Variants in RABGEF1 observed in about 807,000 individuals in gnomAD.
RABGEF1 encodes the protein rab5 GDP/GTP exchange factor.
A neutral mutation model predicts 57.3 loss-of-function variants in RABGEF1; 26 were observed. The observed-to-expected ratio is 0.45, with a 90% CI of 0.33 to 0.63. The LOEUF (loss-of-function observed/expected upper bound fraction) is 0.63, where lower values mean the gene tolerates loss of function less well. Ranked by LOEUF, RABGEF1 falls within the 20% of genes least tolerant of loss-of-function variation. RABGEF1 has a pLI of 0.02. For synonymous variants in RABGEF1, 185 were observed against 210.7 expected, an observed-to-expected ratio of 0.88 and a Z score of 1.06; for missense variants, 464 against 607.6, an observed-to-expected ratio of 0.76 and a Z score of 2.48.
At chr7:66,681,523 C>G (rs1789736510), upstream of RABGEF1, among the ~76,000 whole-genome samples, 1 of 151,924 alleles carries the variant, frequency 6.6e-6, no homozygotes, top group Non-Finnish European at 1.5e-5. Context: ...CTCAGCCTCC[C>G]CAGTAGTTGG....
chr7:66,737,081 AGAGAGC>A (rs1270734141), upstream of RABGEF1, among the ~76,000 whole-genome samples: 38 of 130,728 alleles, frequency 2.9e-4, no homozygotes, highest in African/African-American at 6.4e-4. Context: ...AGTGAGAGAG[AGAGAGC>A]GAGAGCGAGA....
chr7:66,788,640 A>G (rs901902493), intron 4 of RABGEF1, among the ~76,000 whole-genome samples: 1 of 152,084 alleles, frequency 6.6e-6, no homozygotes, highest in African/African-American at 2.4e-5. Context: ...ACAACATAAC[A>G]CCTTTTGCTT....
chr7:66,658,993 C>A, the RABGEF1 span, among the ~76,000 whole-genome samples: 1 of 152,064 alleles, frequency 6.6e-6, no homozygotes, highest in African/African-American at 2.4e-5. Context: ...CCTTGGCCTT[C>A]CAAAATGCTG....
At chr7:66,741,297 G>T (rs1308024098) in intron 1 of RABGEF1, among the ~76,000 whole-genome samples, 2 of 152,162 alleles carry the variant, frequency 1.3e-5, no homozygotes, top group African/African-American at 4.8e-5. Flanking sequence ...CGTCACCCTA[G>T]GGGGCAGAAG....
chr7:66,686,978 C>G (rs1252776582), intron 1 of RABGEF1, among the ~76,000 whole-genome samples: 4 of 151,348 alleles, frequency 2.6e-5, no homozygotes, highest in Non-Finnish European at 4.4e-5. Context: ...CCCACCACCA[C>G]GCCTGGCAAA....
chr7:66,662,319 T>G, the RABGEF1 span, among the ~76,000 whole-genome samples: 1 of 151,948 alleles, frequency 6.6e-6, no homozygotes, highest in Admixed American at 6.6e-5. Flanking sequence ...ATACAAAAAT[T>G]AGCTGGGTGT....
intron 1 of RABGEF1, among the ~76,000 whole-genome samples, chr7:66,710,123 A>G (rs1562722537): frequency 6.6e-6 from 1 of 152,252 alleles, no homozygotes; most frequent in Non-Finnish European, 1.5e-5. Context: ...AGAATTTCAT[A>G]TAAATGAAAT....
chr7:66,744,395 G>A (rs1057301823), intron 1 of RABGEF1, among the ~76,000 whole-genome samples: 9 of 151,396 alleles, frequency 5.9e-5, no homozygotes, highest in East Asian at 1.9e-4. Flanking sequence ...ATAGCCGGGC[G>A]CAGTGGCTCA....
At chr7:66,739,170 G>C (rs1269748470), upstream of RABGEF1, among the ~76,000 whole-genome samples, 1 of 151,650 alleles carries the variant, frequency 6.6e-6, no homozygotes, top group African/African-American at 2.4e-5. Flanking sequence ...GGCTGGTCTT[G>C]AACTCCCGAC....
At chr7:66,772,385 A>G (rs531233204) in intron 2 of RABGEF1, among the ~76,000 whole-genome samples, 3 of 152,310 alleles carry the variant, frequency 2.0e-5, no homozygotes, top group South Asian at 4.1e-4. Context: ...TGAAGATTAA[A>G]TGAGCTAATA....
At chr7:66,677,679 G>A (rs1384605447), upstream of RABGEF1, among the ~76,000 whole-genome samples, 3 of 149,884 alleles carry the variant, frequency 2.0e-5, no homozygotes, top group Non-Finnish European at 4.4e-5. Context: ...GGAGAATGGC[G>A]TGAACCCGGG....
chr7:66,654,795 C>T, the RABGEF1 span, among the ~76,000 whole-genome samples: 3 of 152,250 alleles, frequency 2.0e-5, no homozygotes, highest in Non-Finnish European at 4.4e-5. Flanking sequence ...CATTCCAGCC[C>T]CGTCAGCTCC....
At chr7:66,748,132 T>C (rs975596921) in intron 1 of RABGEF1, among the ~76,000 whole-genome samples, 5 of 152,252 alleles carry the variant, frequency 3.3e-5, no homozygotes, top group African/African-American at 4.8e-5. Context: ...CCAAAGACTT[T>C]CCAGCATGCG....
At chr7:66,665,156 T>A in the RABGEF1 span, 1 of 152,168 alleles carries the variant, frequency 6.6e-6, no homozygotes, top group Non-Finnish European at 1.5e-5. Context: ...ATTCTTGTTT[T>A]TTTTTTTAAC....
intron 1 of RABGEF1, among the ~76,000 whole-genome samples, chr7:66,749,819 A>T (rs4718394): frequency 0.039 from 6,008 of 152,168 alleles, 167 homozygotes; most frequent in East Asian, 0.085. Flanking sequence ...AAAATATTTT[A>T]AAAAATTAGC....
intron 1 of RABGEF1, among the ~76,000 whole-genome samples, chr7:66,751,294 G>A (rs1281289297): frequency 1.3e-5 from 2 of 152,130 alleles, no homozygotes; most frequent in African/African-American, 4.8e-5. Context: ...GCCTCCCAAA[G>A]TGTTGGCATT....
At chr7:66,772,142 T>C (rs959693192) in intron 2 of RABGEF1, 64 bp downstream of exon 2, 13 of 1,251,144 alleles carry the variant, frequency 1.0e-5, no homozygotes, top group African/African-American at 1.5e-5. Flanking sequence ...TCTGTCACCG[T>C]CTAAATACAT....
chr7:66,697,161 C>T (rs1196537170), intron 1 of RABGEF1, among the ~76,000 whole-genome samples: 2 of 152,074 alleles, frequency 1.3e-5, no homozygotes, highest in Non-Finnish European at 2.9e-5. Flanking sequence ...TGGGAAGAAC[C>T]TCCGTCCAGA....
chr7:66,732,670 A>G (rs1191836195), intron 2 of RABGEF1, among the ~76,000 whole-genome samples: 4 of 151,262 alleles, frequency 2.6e-5, no homozygotes, highest in Admixed American at 6.6e-5. Flanking sequence ...TTGGTTCACA[A>G]TTTTCCTGAC....
Sources: gnomAD v4.1 joint callset for allele counts (sites outside exome capture counted in the v4.1 genomes callset) on GRCh38, gnomAD v4.1.1 for gene constraint, MANE v1.5 for transcripts, NCBI Gene and HGNC (gene_info 2026-07-23, HGNC 2026-07-21) for gene names.